The following PDE6D variants were observed in gnomAD, a reference collection of about 807,000 sequenced individuals.
The protein encoded by PDE6D is phosphodiesterase 6D.
A neutral mutation model predicts 21.9 loss-of-function variants in PDE6D; 10 were observed. The observed-to-expected ratio is 0.46, with a 90% CI of 0.28 to 0.78. The LOEUF (loss-of-function observed/expected upper bound fraction) is 0.78. PDE6D is among the 30% of genes least tolerant of loss of function. PDE6D has a pLI of 0.12. For missense variants in PDE6D, 139 were observed against 184.8 expected (o/e 0.75, Z 1.44); for synonymous variants, 59 against 63.5 (o/e 0.93, Z 0.34).
At chr2:231,768,317 G>T (rs2048988599) in intron 1 of PDE6D, among the ~76,000 whole-genome samples, 1 of 152,070 alleles carries the variant, frequency 6.6e-6, no homozygotes, top group Non-Finnish European at 1.5e-5. Context: ...TCCTTCCTCT[G>T]TTACTCCCTA....
intron 3 of PDE6D, 31 bp from the exon 4 acceptor site, chr2:231,737,323 A>C: frequency 1.7e-6 from 2 of 1,205,670 alleles, no homozygotes; most frequent in Non-Finnish European, 2.5e-6. Context: ...CGGGGTGAGC[A>C]GGTGCCCCAG....
chr2:231,751,902 G>GT (rs1163441298), intron 1 of PDE6D, among the ~76,000 whole-genome samples: 1 of 152,130 alleles, frequency 6.6e-6, no homozygotes, highest in Non-Finnish European at 1.5e-5. Context: ...TTGGAAGGGA[G>GT]TTACTAAATC....
chr2:231,755,554 C>A (rs2048876588), intron 1 of PDE6D, among the ~76,000 whole-genome samples: 1 of 152,216 alleles, frequency 6.6e-6, no homozygotes, highest in East Asian at 1.9e-4. Context: ...TGGTGAAACC[C>A]TGTCTCTATG....
chr2:231,735,087 G>GTAAAAAAA (rs2048687484), intron 4 of PDE6D, among the ~76,000 whole-genome samples: 3 of 141,294 alleles, frequency 2.1e-5, no homozygotes, highest in South Asian at 2.3e-4. Flanking sequence ...CTAAAAATAC[G>GTAAAAAAA]AAAAATTAGC....
chr2:231,780,869 C>G (rs1395478024), intron 1 of PDE6D, among the ~76,000 whole-genome samples, 196 bp downstream of exon 1: 1 of 152,216 alleles, frequency 6.6e-6, no homozygotes, highest in Non-Finnish European at 1.5e-5. Context: ...CGTCCCCTTC[C>G]TCCCTCAGGA....
chr2:231,733,497 A>T (rs1395113550), intron 4 of PDE6D, among the ~76,000 whole-genome samples: 1 of 151,992 alleles, frequency 6.6e-6, no homozygotes, highest in Non-Finnish European at 1.5e-5. Context: ...GGGTAACAGC[A>T]CCTTGCTCTT....
Position 231,781,118 on chromosome 2 carries a change from G to A in PDE6D, c.-4C>T, listed in dbSNP as rs2049119684. 2 of 1,611,522 alleles carry A rather than the reference G, an allele frequency of 1.2e-6. No individual in the cohort carries two copies. Among genetic ancestry groups the A allele is most frequent in the South Asian group, 2.2e-5 (2 of 91,036 alleles). On this transcript the variant is annotated 5_prime_UTR_variant, in exon 1 of 5. Coordinates refer to ENST00000287600, the MANE Select transcript of PDE6D (RefSeq NM_002601.4). ...CCCGCTCGTCCTTGGCTGACATGAT[G>A]CGGCGGTCGCCGCCCGCGGCTTTCT...
At chr2:231,771,080 A>T (rs1317895180) in intron 1 of PDE6D, among the ~76,000 whole-genome samples, 2 of 142,564 alleles carry the variant, frequency 1.4e-5, no homozygotes, top group Admixed American at 7.1e-5. Flanking sequence ...GAGCTGAGAA[A>T]TTTTTTTTTT....
intron 4 of PDE6D, among the ~76,000 whole-genome samples, chr2:231,735,086 C>T (rs2048687395): frequency 7.3e-6 from 1 of 137,470 alleles, no homozygotes; most frequent in East Asian, 2.4e-4. Flanking sequence ...ACTAAAAATA[C>T]GAAAAATTAG....
In PDE6D at chr2:231,758,212, G is replaced by A. The variant is rs539755668; in HGVS notation, c.51-19024C>T. Among the ~76,000 whole-genome samples the A allele has an allele frequency of 4.6e-5, 7 of 152,090 alleles. No homozygotes were observed. The South Asian group carries it at 1.5e-3, about 32-fold the overall frequency. ...GATAGATAGTGCAGTGGTGCACATG[G>A]CTTACTGCAGCTTCAAACTGTTGGG... On this transcript the variant is annotated intron_variant, in intron 1 of 4. Transcript: ENST00000287600.
chr2:231,733,385 A>G (rs942934200), intron 4 of PDE6D, among the ~76,000 whole-genome samples: 1 of 152,206 alleles, frequency 6.6e-6, no homozygotes, highest in African/African-American at 2.4e-5. Flanking sequence ...GCTGGCTTAC[A>G]TATAGAAGCC....
chr2:231,758,743 T>G (rs940521765), intron 1 of PDE6D, among the ~76,000 whole-genome samples: 2 of 152,180 alleles, frequency 1.3e-5, no homozygotes, highest in African/African-American at 4.8e-5. Context: ...TCTTAAATTT[T>G]CATATGCATA....
chr2:231,739,247 T>C lies in PDE6D; in HGVS notation c.51-59A>G, dbSNP rs1215454370. The C allele has an allele frequency of 1.2e-5, 13 of 1,046,604 alleles. No individual in the cohort carries two copies. In the South Asian group the frequency reaches 1.6e-4, roughly 13 times the overall value. The allele number at this position is 1,046,604 out of a possible 1,614,324, so 64.8% of individuals were successfully genotyped here. ...TGAAAGTGACTCCCACTTTGTATTC[T>C]AGGTGTCTCATGTTTACTCCCACCA... On this transcript the variant is annotated intron_variant, in intron 1 of 4. Coordinates refer to ENST00000287600, the MANE Select transcript of PDE6D (RefSeq NM_002601.4). This position sits in a 1 kb window ranked among gnomAD's most constrained non-coding sequence, Gnocchi z 4.2.
chr2:231,760,467 G>GT (rs1420699873), intron 1 of PDE6D, among the ~76,000 whole-genome samples: 1 of 152,128 alleles, frequency 6.6e-6, no homozygotes, highest in Non-Finnish European at 1.5e-5. Context: ...TTTGAGGATG[G>GT]TAAGTTTTTG....
At chr2:231,760,765 G>A (rs933524907) in intron 1 of PDE6D, among the ~76,000 whole-genome samples, 24 of 152,124 alleles carry the variant, frequency 1.6e-4, no homozygotes, top group African/African-American at 5.8e-4. Context: ...GTATTCCACA[G>A]GTCAAAACCC....
intron 1 of PDE6D, among the ~76,000 whole-genome samples, chr2:231,774,186 G>A (rs575944560): frequency 6.6e-6 from 1 of 152,208 alleles, no homozygotes; most frequent in South Asian, 2.1e-4. Flanking sequence ...ACCCACCTCG[G>A]CCTCCCAAAG....
Position 231,739,331 on chromosome 2 carries a change from G to T in PDE6D, c.51-143C>A. 1 of 750,522 alleles carries T rather than the reference G, an allele frequency of 1.3e-6. No individual in the cohort carries two copies. The allele number at this position is 750,522 out of a possible 1,614,324, so 46.5% of individuals were successfully genotyped here. A position where few individuals can be genotyped will look rare whatever the true frequency, so the allele number is the denominator to read the frequency against. The stretch of plus-strand genomic sequence containing the variant: ...TGCTCATTGCCATGGAAGCACATAA[G>T]AATGTGAGGAGAGTCAAAAAGACAT... On this transcript the variant is annotated intron_variant, in intron 1 of 4. Coordinates refer to ENST00000287600, the MANE Select transcript of PDE6D (RefSeq NM_002601.4). This position sits in a 1 kb window ranked among gnomAD's most constrained non-coding sequence, Gnocchi z 4.2.
intron 1 of PDE6D, among the ~76,000 whole-genome samples, chr2:231,744,742 T>A (rs2048779162): frequency 6.6e-6 from 1 of 152,184 alleles, no homozygotes; most frequent in South Asian, 2.1e-4. Flanking sequence ...CCCTAATTGC[T>A]TATCTTTTTG....
At chr2:231,762,169 C>A (rs2048936000) in intron 1 of PDE6D, among the ~76,000 whole-genome samples, 1 of 152,122 alleles carries the variant, frequency 6.6e-6, no homozygotes, top group African/African-American at 2.4e-5. Context: ...GATAACAAAA[C>A]TTCCCTGTTG....
Sources: allele counts gnomAD v4.1 joint callset (sites outside exome capture counted in the v4.1 genomes callset), GRCh38; gene constraint gnomAD v4.1.1; non-coding constraint Gnocchi (gnomAD v3.1); transcripts MANE v1.5; gene names NCBI Gene and HGNC (gene_info 2026-07-23, HGNC 2026-07-21).